TRAP1: variants seen among roughly 807,000 people sequenced by gnomAD.
TRAP1 encodes heat shock protein 75 kDa, mitochondrial.
TRAP1 carries 102 observed loss-of-function variants against 89.1 expected under a neutral mutation model. That is an observed-to-expected ratio of 1.15 (90% CI 0.98 to 1.35). TRAP1 has a LOEUF of 1.35. Among genes scored for constraint, TRAP1 ranks in the 40% most tolerant of loss-of-function variants. The pLI, the probability that TRAP1 is intolerant of heterozygous loss-of-function variation, is 0.00. For missense variants in TRAP1, 1,256 were observed against 945.3 expected, an observed-to-expected ratio of 1.33 and a Z score of -4.31; for synonymous variants, 508 against 388.0, an observed-to-expected ratio of 1.31 and a Z score of -3.64.
intron 1 of TRAP1, among the ~76,000 whole-genome samples, chr16:3,701,363 C>G (rs1869021819): frequency 6.6e-6 from 1 of 152,010 alleles, no homozygotes; most frequent in Admixed American, 6.6e-5. Flanking sequence ...CTTAACACTC[C>G]TCTCTCAATA....
Position 3,690,959 on chromosome 16 carries a change from T to C in TRAP1, c.115A>G (p.Thr39Ala). 6.4e-7 allele frequency: 1 copy of C among 1,553,384 alleles called. No homozygotes were observed. The highest frequency in any genetic ancestry group is 8.7e-7 in the Non-Finnish European group (1 of 1,153,602). Reference sequence around the variant, plus strand: ...CGCCTGGGGCCCAACTGGGCTGTGGTCCTCCGAGGACACAGAATTGGTTTT... The same window carrying C: ...CGCCTGGGGCCCAACTGGGCTGTGGCCCTCCGAGGACACAGAATTGGTTTT... ...GGKPILCPRR[T>A]TAQLGPRRNP... is the part of the protein sequence containing the mutation. Residue 39 changes from threonine (T) to alanine (A), a missense_variant, in exon 2 of 18, where the codon ACC (threonine) becomes GCC (alanine). Thr to Ala is a moderately conservative substitution (Grantham distance 58, BLOSUM62 0). Transcript: ENST00000246957.
intron 4 of TRAP1, among the ~76,000 whole-genome samples, chr16:3,681,667 A>C (rs183090600): frequency 1.3e-5 from 2 of 152,342 alleles, no homozygotes; most frequent in East Asian, 3.8e-4. Flanking sequence ...ATTAAATATA[A>C]GTTTCATTTA....
chr16:3,666,242 A>G lies in TRAP1; in HGVS notation c.1236-124T>C, dbSNP rs2050827132. 4.0e-6 allele frequency: 5 copies of G among 1,238,866 alleles called. No homozygotes were observed. In the South Asian group the frequency reaches 6.1e-5, roughly 15 times the overall value. The allele number at this position is 1,238,866 out of a possible 1,614,324, so 76.7% of individuals were successfully genotyped here. A position where few individuals can be genotyped will look rare whatever the true frequency, so the allele number is the denominator to read the frequency against. On this transcript the variant is annotated intron_variant, in intron 11 of 17. Coordinates refer to ENST00000246957, the MANE Select transcript of TRAP1 (RefSeq NM_016292.3). The stretch of plus-strand genomic sequence containing the variant: ...GAAGTGAAAACAACAAGGTACCGTT[A>G]TTGGCCAAACTGAAAAAGACTGAGC...
chr16:3,674,131 G>A (rs1172546851), intron 9 of TRAP1, among the ~76,000 whole-genome samples: 1 of 152,086 alleles, frequency 6.6e-6, no homozygotes, highest in Admixed American at 6.6e-5. Flanking sequence ...ATGTTGGCCA[G>A]CCTGGTCTGC....
At chr16:3,670,158 G>A (rs1244039291) in intron 11 of TRAP1, among the ~76,000 whole-genome samples, 3 of 151,502 alleles carry the variant, frequency 2.0e-5, no homozygotes, top group African/African-American at 4.9e-5. Flanking sequence ...CAAGGCAGGC[G>A]GATCACGAAG....
At chr16:3,679,851 C>T in intron 4 of TRAP1, 61 bp from the exon 5 acceptor site, 1 of 1,537,270 alleles carries the variant, frequency 6.5e-7, no homozygotes, top group South Asian at 1.1e-5. Flanking sequence ...GGTGAGTGCA[C>T]CAGCAGTCCC....
Position 3,663,436 on chromosome 16 carries a change from C to T in TRAP1, c.1696G>A (p.Asp566Asn), listed in dbSNP as rs1476721280. Residue 566 changes from aspartate (D) to asparagine (N), a missense_variant, in exon 14 of 18, where the codon GAC becomes AAC. By Grantham distance (23) the Asp-to-Asn change is conservative. Transcript: ENST00000246957. Reference sequence around the variant, plus strand: ...AGGGGATGCCGACCTGGGGACCTGTCCTCAAACTTCTCCTCCTTGTAGTGA... The same window carrying T: ...AGGGGATGCCGACCTGGGGACCTGTTCTCAAACTTCTCCTCCTTGTAGTGA... Reference protein sequence around the residue: ...VDHYKEEKFEDRSPAAECLSE... With the variant: ...VDHYKEEKFENRSPAAECLSE... 6.2e-7 allele frequency: 1 copy of T among 1,614,122 alleles called. No homozygotes were observed. Among genetic ancestry groups the T allele is most frequent in the Non-Finnish European group, 8.5e-7 (1 of 1,180,012 alleles).
chr16:3,697,787 G>GA (rs1206751297), intron 1 of TRAP1, among the ~76,000 whole-genome samples: 1 of 150,638 alleles, frequency 6.6e-6, no homozygotes, highest in Non-Finnish European at 1.5e-5. Context: ...TTAATATGCA[G>GA]AATTTTTTTT....
At chr16:3,669,625 G>A (rs1002310808) in intron 11 of TRAP1, among the ~76,000 whole-genome samples, 7 of 151,840 alleles carry the variant, frequency 4.6e-5, no homozygotes, top group Non-Finnish European at 7.4e-5. Flanking sequence ...ACAAGGTCAG[G>A]AGATCAAGAC....
At chr16:3,679,829 C>A (rs765347643) in intron 4 of TRAP1, 39 bp from the exon 5 acceptor site, 2 of 1,603,906 alleles carry the variant, frequency 1.2e-6, no homozygotes, top group Middle Eastern at 1.7e-4. Context: ...GCCCCCAGCA[C>A]CTGGGGAGCC....
chr16:3,715,646 A>G (rs1251485714), intron 1 of TRAP1, among the ~76,000 whole-genome samples: 2 of 151,976 alleles, frequency 1.3e-5, no homozygotes, highest in Non-Finnish European at 2.9e-5. Flanking sequence ...AGAAACGAGA[A>G]CCAAATTAAC....
chr16:3,713,988 C>G (rs954663754), intron 1 of TRAP1, among the ~76,000 whole-genome samples: 1 of 152,252 alleles, frequency 6.6e-6, no homozygotes, highest in Admixed American at 6.5e-5. Context: ...CACCATCACT[C>G]CTGCACACTC....
chr16:3,690,374 CTCTTTT>C (rs1192836233), intron 2 of TRAP1, among the ~76,000 whole-genome samples: 3 of 152,180 alleles, frequency 2.0e-5, no homozygotes, highest in South Asian at 2.1e-4. Context: ...AACCTCACTT[CTCTTTT>C]TAACTTCAAA....
chr16:3,658,833 C>CGCAGCTGACGA lies in TRAP1; in HGVS notation c.1972_1973insTCGTCAGCTGC (p.Arg658LeufsTer24). 1 of 1,613,992 alleles carries CGCAGCTGACGA rather than the reference C, an allele frequency of 6.2e-7. No individual in the cohort carries two copies. Among genetic ancestry groups the CGCAGCTGACGA allele is most frequent in the Non-Finnish European group, 8.5e-7 (1 of 1,179,986 alleles). The stretch of plus-strand genomic sequence containing the variant: ...CTGAGCCAGGCCAGGCTCGCTTGCG[C>CGCAGCTGACGA]GCAGCTGATTCAGCTTCTTGATGAG... On this transcript the variant is annotated frameshift_variant, in exon 17 of 18. Transcript: ENST00000246957. LOFTEE classifies it high-confidence loss of function.
At chr16:3,674,314 C>A in intron 9 of TRAP1, 25 bp downstream of exon 9, 1 of 1,612,272 alleles carries the variant, frequency 6.2e-7, no homozygotes. Flanking sequence ...ACCCTGAGGG[C>A]CGTGGGACTG....
At chr16:3,705,878 A>C (rs1422598504) in intron 1 of TRAP1, among the ~76,000 whole-genome samples, 1 of 151,540 alleles carries the variant, frequency 6.6e-6, no homozygotes, top group African/African-American at 2.4e-5. Context: ...TTTTTAGTAG[A>C]GACGGGGTTT....
chr16:3,711,007 G>A (rs2051523902), intron 1 of TRAP1, among the ~76,000 whole-genome samples: 1 of 147,628 alleles, frequency 6.8e-6, no homozygotes, highest in African/African-American at 2.5e-5. Context: ...GGGTAGCTGG[G>A]ACCACAGGCA....
intron 5 of TRAP1, 127 bp from the exon 6 acceptor site, chr16:3,677,785 T>A: frequency 2.7e-6 from 3 of 1,097,728 alleles, no homozygotes; most frequent in Non-Finnish European, 3.8e-6. Context: ...CGAGTACTTT[T>A]CCACCCCATT....
At chr16:3,676,180 T>C (rs372411700) in intron 6 of TRAP1, 35 bp from the exon 7 acceptor site, 18 of 1,591,638 alleles carry the variant, frequency 1.1e-5, no homozygotes, top group Non-Finnish European at 1.4e-5. Flanking sequence ...GCCAGGTGGA[T>C]GTGACACTGG....
Sources: allele counts gnomAD v4.1 joint callset (sites outside exome capture counted in the v4.1 genomes callset), GRCh38; gene constraint gnomAD v4.1.1; transcripts MANE v1.5; gene names NCBI Gene and HGNC (gene_info 2026-07-23, HGNC 2026-07-21).